DNM2: variants seen among roughly 807,000 people sequenced by gnomAD.
DNM2 encodes the protein dynamin 2.
A neutral mutation model predicts 99.0 loss-of-function variants in DNM2; 15 were observed. The observed-to-expected ratio is 0.15, with a 90% CI of 0.10 to 0.23. The LOEUF (loss-of-function observed/expected upper bound fraction) is 0.23. Among genes scored for constraint, DNM2 ranks in the 10% least tolerant of loss-of-function variants. The pLI is 1.00. For missense variants in DNM2, 742 were observed against 1,189.4 expected (o/e 0.62, Z 5.53); for synonymous variants, 525 against 481.2 (o/e 1.09, Z -1.19).
intron 18 of DNM2, among the ~76,000 whole-genome samples, chr19:10,828,713 A>G (rs2073231498): frequency 6.6e-6 from 1 of 152,172 alleles, no homozygotes; most frequent in Non-Finnish European, 1.5e-5. Flanking sequence ...TAAGTTGAAT[A>G]AGAATCTCAT....
intron 8 of DNM2, 139 bp downstream of exon 8, chr19:10,793,994 G>C (rs556603924): frequency 7.9e-6 from 11 of 1,394,666 alleles, no homozygotes; most frequent in Non-Finnish European, 2.0e-6. Context: ...GGTGTGGCCT[G>C]GATGAGGTGT....
chr19:10,763,621 G>A (rs1210322389), intron 2 of DNM2: 1 of 152,550 alleles, frequency 6.6e-6, no homozygotes, highest in Admixed American at 6.5e-5. Flanking sequence ...CAGCCTGTGA[G>A]TGTCTGTTGG....
rs761100856 is a variant in DNM2 at position 10,816,362 on chromosome 19, T to G, written c.1672-3618T>G. ...CTGCGGGACTCTGGGGCGCTGTTTCTAAACCCAGGGTGGTGGAGTCTGCTG... is the reference window on the plus strand; with the variant it reads ...CTGCGGGACTCTGGGGCGCTGTTTCGAAACCCAGGGTGGTGGAGTCTGCTG... On this transcript the variant is annotated intron_variant, in intron 15 of 20. Transcript: ENST00000389253. The surrounding 1 kb of genome is among the most constrained non-coding windows in gnomAD (Gnocchi z 4.6). Among the ~76,000 whole-genome samples, 48 of 152,206 alleles carry G rather than the reference T, an allele frequency of 3.2e-4. No homozygotes were observed. Among genetic ancestry groups the G allele is most frequent in the Non-Finnish European group, 6.5e-4 (44 of 67,988 alleles).
Position 10,831,479 on chromosome 19 carries a change from C to T in DNM2, c.*432C>T, listed in dbSNP as rs2073346921. 1.0e-6 allele frequency: 1 copy of T among 990,854 alleles called. No individual in the cohort carries two copies. The highest frequency in any genetic ancestry group is 1.2e-6 in the Non-Finnish European group (1 of 833,394). The allele number at this position is 990,854 out of a possible 1,614,324, so 61.4% of individuals were successfully genotyped here. A position where few individuals can be genotyped will look rare whatever the true frequency, so the allele number is the denominator to read the frequency against. Reference sequence around the variant, plus strand: ...TGGGGTGCAGGGGTATATCAACTTCCCATTAGCAGGAGCTCCCCAGCGGCA... The same window carrying T: ...TGGGGTGCAGGGGTATATCAACTTCTCATTAGCAGGAGCTCCCCAGCGGCA... On this transcript the variant is annotated 3_prime_UTR_variant, in exon 21 of 21. Transcript: ENST00000389253. The surrounding 1 kb of genome is among the most constrained non-coding windows in gnomAD (Gnocchi z 4.3).
chr19:10,733,515 G>A (rs75256533), intron 1 of DNM2, among the ~76,000 whole-genome samples: 1,537 of 152,086 alleles, frequency 0.01, 21 homozygotes, highest in African/African-American at 0.035. Context: ...TAGATTTAGA[G>A]AAAATAAATA....
At chr19:10,731,293 G>A (rs970241922) in intron 1 of DNM2, among the ~76,000 whole-genome samples, 6 of 151,956 alleles carry the variant, frequency 3.9e-5, no homozygotes, top group East Asian at 1.9e-4. Flanking sequence ...AGCTGGCCGC[G>A]CAGCCAGGAT....
rs1289866900 is a variant in DNM2 at position 10,812,501 on chromosome 19, G to A, written c.1671+124G>A. ...TCTGCCCTGAGTCACCATTAGGACTGTAACTCGCCGGGCACGGTGGCTCCC... is the reference window on the plus strand; with the variant it reads ...TCTGCCCTGAGTCACCATTAGGACTATAACTCGCCGGGCACGGTGGCTCCC... On this transcript the variant is annotated intron_variant, in intron 15 of 20. Transcript: ENST00000389253. The surrounding 1 kb of genome is among the most constrained non-coding windows in gnomAD (Gnocchi z 4.0). 9.2e-6 allele frequency: 7 copies of A among 758,050 alleles called. No individual in the cohort carries two copies. In the East Asian group the frequency reaches 1.6e-4, roughly 17 times the overall value. 47.0% of individuals were successfully genotyped at this position (758,050 alleles called of 1,614,324 possible).
intron 2 of DNM2, among the ~76,000 whole-genome samples, chr19:10,766,473 C>T (rs2070798875): frequency 6.6e-6 from 1 of 152,128 alleles, no homozygotes; most frequent in Non-Finnish European, 1.5e-5. Context: ...CTGGGGACAC[C>T]TCAAAGGGCC....
intron 1 of DNM2, among the ~76,000 whole-genome samples, chr19:10,756,147 C>T (rs1211633529): frequency 6.6e-6 from 1 of 152,088 alleles, no homozygotes; most frequent in Non-Finnish European, 1.5e-5. Flanking sequence ...AGACAAGGGG[C>T]CATGCTAAGA....
At chr19:10,782,575 G>T (rs903326429) in intron 5 of DNM2, among the ~76,000 whole-genome samples, 6 of 150,166 alleles carry the variant, frequency 4.0e-5, no homozygotes, top group Admixed American at 1.3e-4. Context: ...GGCCAGGGTG[G>T]CCTCGAGCTC....
rs536074642 is a variant in DNM2 at position 10,789,757 on chromosome 19, C to T, written c.992+3051C>T. On this transcript the variant is annotated intron_variant, in intron 7 of 20. Transcript: ENST00000389253. ...GCTAAAGCAGGACAATCACTTGAACCTGGGAGTCAGAGGTTGCAGTGAGCC... is the reference window on the plus strand; with the variant it reads ...GCTAAAGCAGGACAATCACTTGAACTTGGGAGTCAGAGGTTGCAGTGAGCC... Among the ~76,000 whole-genome samples the T allele has an allele frequency of 2.0e-5, 3 of 152,264 alleles. 1 individual carries two copies. Among genetic ancestry groups the T allele is most frequent in the Admixed American group, 6.5e-5 (1 of 15,298 alleles).
intron 1 of DNM2, among the ~76,000 whole-genome samples, chr19:10,752,391 C>A (rs1412769957): frequency 6.6e-6 from 1 of 152,242 alleles, no homozygotes; most frequent in Non-Finnish European, 1.5e-5. Flanking sequence ...CACTCCCGCC[C>A]TATGTTCTGA....
At chr19:10,788,875 C>T (rs1036180284) in intron 7 of DNM2, among the ~76,000 whole-genome samples, 2 of 152,194 alleles carry the variant, frequency 1.3e-5, no homozygotes, top group African/African-American at 4.8e-5. Flanking sequence ...AGGAGGACAC[C>T]GCCTCCTCTG....
intron 12 of DNM2, among the ~76,000 whole-genome samples, 172 bp from the exon 13 acceptor site, chr19:10,805,744 G>A (rs1020036643): frequency 9.9e-5 from 15 of 152,256 alleles, no homozygotes; most frequent in African/African-American, 1.7e-4. Flanking sequence ...TACTTGTTCC[G>A]TGTGCCCAGG....
rs546943828 is a variant in DNM2 at position 10,818,277 on chromosome 19, C to T, written c.1672-1703C>T. Among the ~76,000 whole-genome samples, 310 of 127,034 alleles carry T rather than the reference C, an allele frequency of 2.4e-3. No individual in the cohort carries two copies. The highest frequency in any genetic ancestry group is 8.7e-3 in the Middle Eastern group (2 of 230). The allele number at this position is 127,034 out of a possible 152,430, so 83.3% of individuals were successfully genotyped here. A position where few individuals can be genotyped will look rare whatever the true frequency, so the allele number is the denominator to read the frequency against. Reference sequence around the variant, plus strand: ...CTCCTATGCTCTGCTCCCTCCATGGCCACCGGGCCCCTCTTCCTATGCTCT... The same window carrying T: ...CTCCTATGCTCTGCTCCCTCCATGGTCACCGGGCCCCTCTTCCTATGCTCT... On this transcript the variant is annotated intron_variant, in intron 15 of 20. Transcript: ENST00000389253. The surrounding 1 kb of genome is among the most constrained non-coding windows in gnomAD (Gnocchi z 4.3).
At chr19:10,791,370 G>C (rs1156949283) in intron 7 of DNM2, among the ~76,000 whole-genome samples, 1 of 152,160 alleles carries the variant, frequency 6.6e-6, no homozygotes, top group East Asian at 1.9e-4. Flanking sequence ...TTACAGGAGT[G>C]CACCACCATG....
At chr19:10,791,250 G>A (rs1468570378) in intron 7 of DNM2, among the ~76,000 whole-genome samples, 4 of 151,838 alleles carry the variant, frequency 2.6e-5, no homozygotes, top group Non-Finnish European at 5.9e-5. Context: ...CACAGCACCT[G>A]GCTAATTTTT....
Position 10,820,940 on chromosome 19 carries a change from G to A in DNM2, c.1781+851G>A, listed in dbSNP as rs557754997. 2.6e-5 allele frequency among the ~76,000 whole-genome samples: 4 copies of A among 152,326 alleles called. No individual in the cohort carries two copies. The highest frequency in any genetic ancestry group is 2.9e-5 in the Non-Finnish European group (2 of 68,018). On this transcript the variant is annotated intron_variant, in intron 16 of 20. Transcript: ENST00000389253. The surrounding 1 kb of genome is among the most constrained non-coding windows in gnomAD (Gnocchi z 4.3). ...GACACTGCTCTCAGGAAGAAACCCAGCTGGCAGGAGGGCTCTTCCCATGCT... is the reference window on the plus strand; with the variant it reads ...GACACTGCTCTCAGGAAGAAACCCAACTGGCAGGAGGGCTCTTCCCATGCT...
chr19:10,814,151 G>A (rs1475069796), intron 15 of DNM2, among the ~76,000 whole-genome samples: 7 of 150,206 alleles, frequency 4.7e-5, no homozygotes, highest in African/African-American at 1.7e-4. Context: ...CTGGGCGACA[G>A]AGTGAGAGAC....
Sources: gnomAD v4.1 joint callset for allele counts (sites outside exome capture counted in the v4.1 genomes callset) on GRCh38, gnomAD v4.1.1 for gene constraint, Gnocchi (gnomAD v3.1) non-coding constraint, MANE v1.5 for transcripts, NCBI Gene and HGNC (gene_info 2026-07-23, HGNC 2026-07-21) for gene names.